MYO16: variants seen among roughly 807,000 people sequenced by gnomAD.
The protein encoded by MYO16 is myosin XVI.
Under a neutral mutation model 205.3 loss-of-function variants are expected in MYO16, and 94 were observed. The observed-to-expected ratio is 0.46, with a 90% confidence interval of 0.39 to 0.54. The LOEUF (loss-of-function observed/expected upper bound fraction) is 0.54, where lower values mean the gene tolerates loss of function less well. Among genes scored for constraint, MYO16 ranks in the 20% least tolerant of loss-of-function variants. The pLI is 0.00. For missense variants in MYO16, 2,315 were observed against 2,387.5 expected, an observed-to-expected ratio of 0.97 and a Z score of 0.63; for synonymous variants, 988 against 954.0, an observed-to-expected ratio of 1.04 and a Z score of -0.66.
At chr13:109,137,055 A>G (rs1349499015) in intron 31 of MYO16, among the ~76,000 whole-genome samples, 1 of 152,184 alleles carries the variant, frequency 6.6e-6, no homozygotes, top group Non-Finnish European at 1.5e-5. Context: ...GTCATAGTCA[A>G]TTACATCTCT....
At chr13:108,685,995 G>A (rs1297788596) in intron 2 of MYO16, among the ~76,000 whole-genome samples, 1 of 152,216 alleles carries the variant, frequency 6.6e-6, no homozygotes, top group Non-Finnish European at 1.5e-5. Flanking sequence ...TTCTGAAGTT[G>A]CTTCAGTGCA....
rs191178228 is a variant in MYO16 at position 109,029,393 on chromosome 13, C to T, written c.2796+9482C>T. 2.3e-4 allele frequency among the ~76,000 whole-genome samples: 35 copies of T among 152,114 alleles called. 1 individual carries two copies. Among genetic ancestry groups the T allele is most frequent in the Admixed American group, 1.9e-3 (29 of 15,284 alleles). On this transcript the variant is annotated intron_variant, in intron 23 of 34. Transcript: ENST00000457511. ...TAAACATTTTTATATAACATGCTTG[C>T]GGGATCTCTGTCTGTTGAGCTTCTC...
intron 22 of MYO16, 66 bp downstream of exon 22, chr13:109,009,115 A>G (rs1355824929): frequency 7.5e-7 from 1 of 1,329,278 alleles, no homozygotes; most frequent in African/African-American, 1.5e-5. Flanking sequence ...GAGACAAAGA[A>G]TTTTCTTTCA....
At chr13:109,180,864 A>G (rs746966923) in intron 34 of MYO16, among the ~76,000 whole-genome samples, 5 of 152,218 alleles carry the variant, frequency 3.3e-5, no homozygotes, top group South Asian at 4.1e-4. Flanking sequence ...CTCTGAGATC[A>G]TGCACAGGGG....
intron 12 of MYO16, among the ~76,000 whole-genome samples, chr13:108,868,595 G>A (rs1437592986): frequency 6.6e-6 from 1 of 151,906 alleles, no homozygotes; most frequent in Non-Finnish European, 1.5e-5. Context: ...TTTAAAAAAT[G>A]TATATTAACC....
At chr13:108,765,875 C>G (rs922473395) in intron 4 of MYO16, among the ~76,000 whole-genome samples, 1 of 152,086 alleles carries the variant, frequency 6.6e-6, no homozygotes, top group Non-Finnish European at 1.5e-5. Context: ...TACTGACCTC[C>G]GGCAGTTTAC....
chr13:109,200,443 T>A (rs1001965689), intron 34 of MYO16, among the ~76,000 whole-genome samples: 5 of 152,152 alleles, frequency 3.3e-5, no homozygotes, highest in African/African-American at 1.2e-4. Flanking sequence ...TTTTTGCTTA[T>A]CAAAGAACTA....
At chr13:109,101,002 TG>T (rs758897933) in intron 28 of MYO16, 115 bp downstream of exon 28, 67 of 816,198 alleles carry the variant, frequency 8.2e-5, no homozygotes, top group Non-Finnish European at 1.3e-4. Flanking sequence ...TTGATGTGTT[TG>T]GCAAGGCGTG....
Position 108,961,567 on chromosome 13 carries a change from CA to C in MYO16, c.2067del (p.Ala690GlnfsTer13). ...LEVENLFVIL[A>X]AILHLGDIRF... ...GTGGAGAATCTGTTCGTAATTCTAG[CA>C]GCAATATTGCACCTTGGAGACATTC... is the stretch of plus-strand genomic sequence containing the variant. On this transcript the variant is annotated frameshift_variant, in exon 18 of 35. Coordinates refer to ENST00000457511, the MANE Select transcript of MYO16 (RefSeq NM_001198950.3). LOFTEE classifies it high-confidence loss of function. 1 of 1,614,012 alleles carries C rather than the reference CA, an allele frequency of 6.2e-7. No individual in the cohort carries two copies. The highest frequency in any genetic ancestry group is 8.5e-7 in the Non-Finnish European group (1 of 1,179,878).
At chr13:108,584,972 CA>C in the MYO16 span, among the ~76,000 whole-genome samples, 1 of 152,104 alleles carries the variant, frequency 6.6e-6, no homozygotes, top group African/African-American at 2.4e-5. Flanking sequence ...AGGCCCATAA[CA>C]AAAGTGTAAT....
intron 27 of MYO16, among the ~76,000 whole-genome samples, chr13:109,091,245 C>T (rs1343957452): frequency 6.6e-6 from 1 of 152,130 alleles, no homozygotes; most frequent in Non-Finnish European, 1.5e-5. Flanking sequence ...AGAAAGGGGA[C>T]ATCCTCATTC....
At chr13:108,789,012 G>C (rs750897943) in intron 5 of MYO16, among the ~76,000 whole-genome samples, 2 of 152,084 alleles carry the variant, frequency 1.3e-5, no homozygotes, top group Non-Finnish European at 2.9e-5. Context: ...TCACCCTTTT[G>C]CTTGTGTTGT....
At chr13:109,183,406 G>A (rs1879539879) in intron 34 of MYO16, among the ~76,000 whole-genome samples, 1 of 152,208 alleles carries the variant, frequency 6.6e-6, no homozygotes, top group African/African-American at 2.4e-5. Flanking sequence ...GCAGAATGAT[G>A]GCAGAAGGGG....
chr13:109,106,690 C>T (rs572220426), intron 28 of MYO16, among the ~76,000 whole-genome samples: 2 of 152,100 alleles, frequency 1.3e-5, no homozygotes, highest in South Asian at 4.1e-4. Flanking sequence ...CCATGTGATA[C>T]CAGGGGTGCT....
intron 1 of MYO16, among the ~76,000 whole-genome samples, chr13:108,617,721 A>C (rs1378256230): frequency 1.3e-5 from 2 of 152,160 alleles, no homozygotes; most frequent in African/African-American, 4.8e-5. Context: ...AATACCAGCA[A>C]ACGCTGTGCA....
intron 1 of MYO16, among the ~76,000 whole-genome samples, chr13:108,608,327 T>C (rs2139312473): frequency 6.6e-6 from 1 of 152,298 alleles, no homozygotes; most frequent in Non-Finnish European, 1.5e-5. Flanking sequence ...GTTCCTCTGC[T>C]AATAATTTGC....
rs556816103 is a variant in MYO16 at position 108,926,745 on chromosome 13, A to G, written c.1925+16595A>G. Among the ~76,000 whole-genome samples the G allele has an allele frequency of 8.5e-5, 13 of 152,312 alleles. No homozygotes were observed. In the South Asian group the frequency reaches 1.0e-3, roughly 12 times the overall value. The stretch of plus-strand genomic sequence containing the variant: ...GACATTCACCAGGGGTGGTGGCCTC[A>G]TCCCAGAAAGGCTCTTTCCTTACTG... On this transcript the variant is annotated intron_variant, in intron 16 of 34. Transcript: ENST00000457511.
the MYO16 span, among the ~76,000 whole-genome samples, chr13:108,544,881 C>A: frequency 1.3e-5 from 2 of 152,148 alleles, no homozygotes; most frequent in Non-Finnish European, 2.9e-5. Flanking sequence ...TGGCTTATTC[C>A]ACTTAACATA....
rs143328181 is a variant in MYO16, at chr13:108,886,586, G to A, written c.1554-1786G>A. 1,543 of 435,358 alleles carry A rather than the reference G, an allele frequency of 3.5e-3. 9 individuals are homozygous for A. Among genetic ancestry groups the A allele is most frequent in the South Asian group, 7.0e-3 (432 of 61,470 alleles). 27.0% of individuals were successfully genotyped at this position (435,358 alleles called of 1,614,324 possible). ...AGAGCTTAGGGCGCAAACTGCTGGC[G>A]GCTCCACCCCCCGTCCTTCCAGTGC... On this transcript the variant is annotated intron_variant, in intron 13 of 34. Transcript: ENST00000457511.
Sources: gnomAD v4.1 joint callset for allele counts (sites outside exome capture counted in the v4.1 genomes callset) on GRCh38, gnomAD v4.1.1 for gene constraint, MANE v1.5 for transcripts, NCBI Gene and HGNC (gene_info 2026-07-23, HGNC 2026-07-21) for gene names.